PKM: variants seen among roughly 807,000 people sequenced by gnomAD.
PKM encodes pyruvate kinase PKM.
In PKM, 18 loss-of-function variants were observed where a neutral mutation model predicts 49.8. The observed-to-expected ratio is 0.36, with a 90% CI of 0.25 to 0.54. The LOEUF is 0.54. Ranked by LOEUF, PKM falls within the 20% of genes least tolerant of loss-of-function variation. The pLI is 0.89. For missense variants in PKM, 508 were observed against 713.8 expected (o/e 0.71, Z 3.28); for synonymous variants, 239 against 261.8 (o/e 0.91, Z 0.84).
intron 1 of PKM, among the ~76,000 whole-genome samples, chr15:72,225,280 A>G (rs1435315649): frequency 6.6e-6 from 1 of 151,628 alleles, no homozygotes; most frequent in Non-Finnish European, 1.5e-5. Flanking sequence ...AATTTTATAC[A>G]GTTCATTTTT....
intron 3 of PKM, among the ~76,000 whole-genome samples, chr15:72,211,228 T>C (rs765331524): frequency 2.2e-4 from 33 of 152,054 alleles, no homozygotes; most frequent in Non-Finnish European, 4.4e-4. Context: ...CCACCACGCC[T>C]GGCTAACTTC....
chr15:72,211,635 G>A (rs528073555), intron 3 of PKM, among the ~76,000 whole-genome samples: 1 of 152,068 alleles, frequency 6.6e-6, no homozygotes, highest in East Asian at 1.9e-4. Context: ...TGGGCAACAT[G>A]GCGAAACCTC....
chr15:72,203,096 G>T (rs1160712784), intron 8 of PKM: 1 of 1,614,056 alleles, frequency 6.2e-7, no homozygotes, highest in South Asian at 1.1e-5. Context: ...CCATGGCCAT[G>T]GCTTCCATGA....
At chr15:72,217,374 C>T (rs1179104957) in intron 3 of PKM, 35 bp downstream of exon 3, 1 of 1,267,296 alleles carries the variant, frequency 7.9e-7, no homozygotes, top group East Asian at 2.3e-5. Context: ...TCCTACAGGC[C>T]ATCACAATGG....
At chr15:72,208,325 G>A (rs370319113) in intron 6 of PKM, among the ~76,000 whole-genome samples, 10 of 152,164 alleles carry the variant, frequency 6.6e-5, no homozygotes, top group African/African-American at 2.2e-4. Context: ...CATGGCCCCT[G>A]GTCCTGTGAG....
At chr15:72,209,898 C>A (rs1415149585) in intron 4 of PKM, 39 bp from the exon 5 acceptor site, 1 of 1,521,774 alleles carries the variant, frequency 6.6e-7, no homozygotes, top group South Asian at 1.1e-5. Flanking sequence ...AAACTGGAGA[C>A]ACCAGTAGCA....
intron 1 of PKM, among the ~76,000 whole-genome samples, chr15:72,226,217 A>G (rs889330570): frequency 1.3e-5 from 2 of 152,184 alleles, no homozygotes; most frequent in East Asian, 1.9e-4. Flanking sequence ...GCCAAGGGAG[A>G]TATCAGTTGT....
In PKM at chr15:72,200,789, G is replaced by C; in HGVS notation, c.1308-134C>G. 1.4e-6 allele frequency: 1 copy of C among 723,442 alleles called. No individual in the cohort carries two copies. Among genetic ancestry groups the C allele is most frequent in the Admixed American group, 2.8e-5 (1 of 35,288 alleles). 44.8% of individuals were successfully genotyped at this position (723,442 alleles called of 1,614,324 possible). ...GGCCTCTTCAACATCTGCTCCCTAG[G>C]ACCCCTCCCGAGGCTCGGGCAGCCC... On this transcript the variant is annotated intron_variant, in intron 9 of 10. Coordinates refer to ENST00000335181, the MANE Select transcript of PKM (RefSeq NM_002654.6). This position sits in a 1 kb window ranked among gnomAD's most constrained non-coding sequence, Gnocchi z 4.6.
At chr15:72,218,053 A>G (rs1015323356) in intron 2 of PKM, among the ~76,000 whole-genome samples, 1 of 152,202 alleles carries the variant, frequency 6.6e-6, no homozygotes, top group Admixed American at 6.5e-5. Context: ...TAACATATCC[A>G]TGACTTCAAA....
intron 8 of PKM, chr15:72,203,344 G>C (rs2081993879): frequency 3.0e-6 from 2 of 676,584 alleles, no homozygotes; most frequent in Middle Eastern, 4.0e-4. Flanking sequence ...TGCAGAGGTA[G>C]GGTGATGAAA....
chr15:72,221,352 A>C (rs774016601), intron 1 of PKM: 30 of 877,066 alleles, frequency 3.4e-5, no homozygotes, highest in African/African-American at 6.7e-5. Context: ...AAATTACCTT[A>C]ATAACCAGGT....
intron 7 of PKM, 21 bp downstream of exon 7, chr15:72,207,106 T>G: frequency 6.2e-7 from 1 of 1,612,766 alleles, no homozygotes; most frequent in Non-Finnish European, 8.5e-7. Context: ...CATGAGAATG[T>G]GGGGAAGGGT....
rs933840817 is a variant in PKM at position 72,210,265 on chromosome 15, T to C, written c.378+82A>G. ...TCCTTCATAGTACTGGGAAGAAACA[T>C]GGCAACCCAGCGCTTTGGAGGACAT... On this transcript the variant is annotated intron_variant, in intron 4 of 10. Coordinates refer to ENST00000335181, the MANE Select transcript of PKM (RefSeq NM_002654.6). 1.8e-5 allele frequency: 27 copies of C among 1,482,128 alleles called. 1 individual carries two copies. The South Asian group carries it at 2.3e-4, about 13-fold the overall frequency. 91.8% of individuals were successfully genotyped at this position (1,482,128 alleles called of 1,614,324 possible).
At chr15:72,219,237 A>G in intron 1 of PKM, 127 bp from the exon 2 acceptor site, 1 of 819,734 alleles carries the variant, frequency 1.2e-6, no homozygotes, top group Non-Finnish European at 1.9e-6. Flanking sequence ...AGCCACAGGG[A>G]AGCCAGACAT....
At chr15:72,212,565 G>A (rs981483072) in intron 3 of PKM, among the ~76,000 whole-genome samples, 9 of 152,196 alleles carry the variant, frequency 5.9e-5, no homozygotes, top group Non-Finnish European at 1.0e-4. Context: ...GACGTGAGGA[G>A]TAAAAGAATA....
In PKM at chr15:72,208,888, G is replaced by A; in HGVS notation, c.569C>T (p.Ala190Val). ...LISLQVKQKG[A>V]DFLVTEVENG... ...TTCCACCTCCGTCACCAGGAAGTCG[G>A]CACCTGTATGAAAAAGGGTAAGTAG... The change falls in exon 6 of 11, where the codon GCC becomes GTC. Residue 190 changes from alanine to valine, a missense_variant. By Grantham distance (64) the Ala-to-Val change is moderately conservative. Coordinates refer to ENST00000335181, the MANE Select transcript of PKM (RefSeq NM_002654.6). The A allele has an allele frequency of 1.9e-6, 3 of 1,613,574 alleles. No individual in the cohort carries two copies. The highest frequency in any genetic ancestry group is 2.5e-6 in the Non-Finnish European group (3 of 1,179,726).
intron 5 of PKM, 175 bp from the exon 6 acceptor site, chr15:72,209,066 C>T: frequency 3.0e-6 from 2 of 674,942 alleles, no homozygotes; most frequent in Non-Finnish European, 5.2e-6. Flanking sequence ...GCCATTTAAC[C>T]TCTCTGTACC....
intron 6 of PKM, among the ~76,000 whole-genome samples, chr15:72,208,118 T>TGATCAC (rs1284122871): frequency 2.0e-5 from 3 of 152,176 alleles, no homozygotes; most frequent in African/African-American, 7.2e-5. Flanking sequence ...AGAGTTAGCA[T>TGATCAC]GATCACTGAG....
At chr15:72,228,288 C>T (rs2082740136) in intron 1 of PKM, among the ~76,000 whole-genome samples, 1 of 151,938 alleles carries the variant, frequency 6.6e-6, no homozygotes, top group Non-Finnish European at 1.5e-5. Context: ...ATTAGCTGGG[C>T]ACCGGGCTCT....
Sources: gnomAD v4.1 joint callset for allele counts (sites outside exome capture counted in the v4.1 genomes callset) on GRCh38, gnomAD v4.1.1 for gene constraint, Gnocchi (gnomAD v3.1) non-coding constraint, MANE v1.5 for transcripts, NCBI Gene and HGNC (gene_info 2026-07-23, HGNC 2026-07-21) for gene names.